RBFOX1: variants seen among roughly 807,000 people sequenced by gnomAD.
RBFOX1 encodes the protein RNA binding fox-1 homolog 1, also known as RNA binding protein fox-1 homolog 1.
Under a neutral mutation model 57.7 loss-of-function variants are expected in RBFOX1, and 8 were observed. The ratio of observed to expected loss-of-function variants is 0.14; its 90% CI spans 0.08 to 0.25. RBFOX1 has a LOEUF of 0.25. RBFOX1 is among the 10% of genes least tolerant of loss of function. The pLI, the probability that RBFOX1 is intolerant of heterozygous loss-of-function variation, is 1.00. For synonymous variants in RBFOX1, 326 were observed against 222.4 expected, an observed-to-expected ratio of 1.47 and a Z score of -4.15; for missense variants, 611 against 548.5, an observed-to-expected ratio of 1.11 and a Z score of -1.14.
intron 3 of RBFOX1, among the ~76,000 whole-genome samples, chr16:6,700,762 C>T (rs1451459898): frequency 6.6e-6 from 1 of 152,128 alleles, no homozygotes; most frequent in Non-Finnish European, 1.5e-5. Context: ...AATTTCATTA[C>T]TACATTTACC....
intron 4 of RBFOX1, among the ~76,000 whole-genome samples, chr16:5,869,630 G>GA (rs1567650033): frequency 6.6e-6 from 1 of 152,060 alleles, no homozygotes. Flanking sequence ...TCTATCTCTT[G>GA]ACCACCTCGT....
At chr16:5,262,825 G>A (rs565256403) in intron 1 of RBFOX1, among the ~76,000 whole-genome samples, 3 of 152,150 alleles carry the variant, frequency 2.0e-5, no homozygotes, top group Non-Finnish European at 4.4e-5. Context: ...TATTCAAGAG[G>A]TGAAAATTGT....
chr16:6,242,236 A>G (rs1051869377), intron 1 of RBFOX1, among the ~76,000 whole-genome samples: 1 of 152,110 alleles, frequency 6.6e-6, no homozygotes, highest in Non-Finnish European at 1.5e-5. Context: ...CTCTCTATAT[A>G]TAAGTATATG....
rs530441551 is a variant in RBFOX1, at chr16:7,509,900, C to G, written c.28-8247C>G. ...AGTTTAGTAATGAAAAATTCCAGCT[C>G]CAGGCGATGCATAGAATCGCATTTC... is the stretch of plus-strand genomic sequence containing the variant. On this transcript the variant is annotated intron_variant, in intron 4 of 15. Coordinates refer to ENST00000550418, the MANE Select transcript of RBFOX1 (RefSeq NM_018723.4). Among the ~76,000 whole-genome samples, 26 of 151,920 alleles carry G rather than the reference C, an allele frequency of 1.7e-4. No individual in the cohort carries two copies. The East Asian group carries it at 5.0e-3, about 29-fold the overall frequency.
intron 4 of RBFOX1, among the ~76,000 whole-genome samples, chr16:7,363,195 C>G (rs12927487): frequency 0.18 from 26,907 of 152,016 alleles, 3,814 homozygotes; most frequent in African/African-American, 0.39. Context: ...AACGGATTGC[C>G]GTCAGCCTCC....
intron 4 of RBFOX1, among the ~76,000 whole-genome samples, chr16:7,470,619 G>A (rs1164880250): frequency 6.6e-6 from 1 of 152,140 alleles, no homozygotes; most frequent in African/African-American, 2.4e-5. Flanking sequence ...TGGTTGGATG[G>A]TTAGGTGGGT....
intron 3 of RBFOX1, among the ~76,000 whole-genome samples, chr16:6,673,063 T>G (rs1000882218): frequency 6.6e-6 from 1 of 152,190 alleles, no homozygotes; most frequent in Admixed American, 6.5e-5. Context: ...CCACAGTGCT[T>G]CTTACCAGAG....
At chr16:6,802,501 A>G (rs1217640824) in intron 3 of RBFOX1, among the ~76,000 whole-genome samples, 2 of 152,038 alleles carry the variant, frequency 1.3e-5, no homozygotes, top group Non-Finnish European at 2.9e-5. Context: ...ATTTGGCAAA[A>G]CCCTGTCTCT....
chr16:7,697,936 AG>A (rs1286970687), intron 14 of RBFOX1, among the ~76,000 whole-genome samples: 1 of 152,178 alleles, frequency 6.6e-6, no homozygotes, highest in Non-Finnish European at 1.5e-5. Context: ...TTCAGGCAGC[AG>A]GCATATGTTT....
chr16:7,262,022 C>G (rs558436955), intron 4 of RBFOX1, among the ~76,000 whole-genome samples: 68 of 152,242 alleles, frequency 4.5e-4, no homozygotes, highest in Non-Finnish European at 8.5e-4. Flanking sequence ...CTGTTGGTTC[C>G]TTTTTCACAT....
At chr16:5,962,455 C>G (rs2059768814) in intron 4 of RBFOX1, among the ~76,000 whole-genome samples, 2 of 152,280 alleles carry the variant, frequency 1.3e-5, no homozygotes, top group South Asian at 4.2e-4. Context: ...ATGCCTGCCT[C>G]CTTTCCCATT....
At chr16:7,257,204 C>T (rs865955868) in intron 4 of RBFOX1, among the ~76,000 whole-genome samples, 22 of 152,146 alleles carry the variant, frequency 1.4e-4, no homozygotes, top group African/African-American at 4.8e-4. Context: ...TAATCGCTAA[C>T]ATCTTCCCAT....
At position 6,982,489 on chromosome 16, in the gene RBFOX1, C is replaced by G. The variant is rs545670755; in HGVS notation, c.-15-69568C>G. On this transcript the variant is annotated intron_variant, in intron 3 of 15. Transcript: ENST00000550418. ...CTCATTCGTTCATGAGAGTCGTTGA[C>G]GAGGTGGATCCTGGAGTAGTCTCAG... Among the ~76,000 whole-genome samples the G allele has an allele frequency of 2.6e-5, 4 of 152,124 alleles. No homozygotes were observed. The East Asian group carries it at 5.8e-4, about 22-fold the overall frequency.
intron 2 of RBFOX1, among the ~76,000 whole-genome samples, chr16:6,534,811 C>G (rs1429196685): frequency 6.6e-6 from 1 of 151,992 alleles, no homozygotes; most frequent in Non-Finnish European, 1.5e-5. Context: ...TGTGTGTTGG[C>G]AAAACACCAT....
At chr16:6,128,590 T>C (rs1426240531) in intron 1 of RBFOX1, among the ~76,000 whole-genome samples, 2 of 152,032 alleles carry the variant, frequency 1.3e-5, no homozygotes, top group Non-Finnish European at 2.9e-5. Flanking sequence ...ATTTGAAGAG[T>C]AGAGTTCTGG....
chr16:6,387,231 C>T (rs2152926484), intron 2 of RBFOX1, among the ~76,000 whole-genome samples: 1 of 152,306 alleles, frequency 6.6e-6, no homozygotes, highest in South Asian at 2.1e-4. Flanking sequence ...GCCTTCATCA[C>T]ATCACTCACC....
chr16:7,436,799 T>C (rs1488291429), intron 4 of RBFOX1, among the ~76,000 whole-genome samples: 1 of 152,162 alleles, frequency 6.6e-6, no homozygotes, highest in Non-Finnish European at 1.5e-5. Context: ...CAGTGGCTCA[T>C]ACCTGCAATC....
At chr16:7,082,411 C>A (rs1224074549) in intron 4 of RBFOX1, among the ~76,000 whole-genome samples, 1 of 151,856 alleles carries the variant, frequency 6.6e-6, no homozygotes, top group African/African-American at 2.4e-5. Context: ...CACAACCCTG[C>A]ATCTACCAAA....
chr16:7,321,049 A>C (rs1232385881), intron 4 of RBFOX1, among the ~76,000 whole-genome samples: 1 of 139,054 alleles, frequency 7.2e-6, no homozygotes, highest in Non-Finnish European at 1.5e-5. Flanking sequence ...AGACCAGAGA[A>C]ATTATCTATC....
Sources: allele counts gnomAD v4.1 joint callset (sites outside exome capture counted in the v4.1 genomes callset), GRCh38; gene constraint gnomAD v4.1.1; transcripts MANE v1.5; gene names NCBI Gene and HGNC (gene_info 2026-07-23, HGNC 2026-07-21).